Variants in LARS2 observed in about 807,000 individuals in gnomAD.
The protein encoded by LARS2 is leucine--tRNA ligase, mitochondrial.
Under a neutral mutation model 116.6 loss-of-function variants are expected in LARS2, and 81 were observed. That is an observed-to-expected ratio of 0.69 (90% CI 0.58 to 0.84). The LOEUF (loss-of-function observed/expected upper bound fraction) is 0.84. Ranked by LOEUF, LARS2 falls within the 40% of genes least tolerant of loss-of-function variation. The pLI, the probability that LARS2 is intolerant of heterozygous loss-of-function variation, is 0.00. For missense variants in LARS2, 968 were observed against 1,114.5 expected, an observed-to-expected ratio of 0.87 and a Z score of 1.87; for synonymous variants, 396 against 407.2, an observed-to-expected ratio of 0.97 and a Z score of 0.33.
chr3:45,513,317 C>CCTCCCCACTCTAGAGGCAGA, intron 16 of LARS2, 82 bp downstream of exon 16: 1 of 928,052 alleles, frequency 1.1e-6, no homozygotes, highest in Non-Finnish European at 1.8e-6. Flanking sequence ...AAGCAGGCAT[C>CCTCCCCACTCTAGAGGCAGA]TGCCTCTAGA....
Position 45,520,301 on chromosome 3 carries a change from G to A in LARS2, c.2292+5G>A. The A allele has an allele frequency of 1.2e-6, 2 of 1,610,880 alleles. No individual in the cohort carries two copies. The highest frequency in any genetic ancestry group is 2.2e-5 in the East Asian group (1 of 44,868). On this transcript the variant is annotated splice_donor_5th_base_variant and intron_variant, in intron 19 of 21. Transcript: ENST00000645846. ...GGACTCAGCAATGCCCTCTCGGTAA[G>A]TGGCCTGTCCTCATTTGCTGGTAGC...
chr3:45,534,305 AATG>A (rs1351909607), intron 20 of LARS2, among the ~76,000 whole-genome samples: 1 of 152,138 alleles, frequency 6.6e-6, no homozygotes, highest in Non-Finnish European at 1.5e-5. Flanking sequence ...AGAATGGGGA[AATG>A]ATGCCTCCTG....
At chr3:45,399,836 A>C (rs1445443973) in intron 3 of LARS2, among the ~76,000 whole-genome samples, 1 of 151,462 alleles carries the variant, frequency 6.6e-6, no homozygotes, top group East Asian at 1.9e-4. Context: ...TATCATTCTT[A>C]TGCCTCATAG....
chr3:45,539,497 G>C (rs532040049), intron 20 of LARS2, among the ~76,000 whole-genome samples: 2 of 152,184 alleles, frequency 1.3e-5, no homozygotes, highest in South Asian at 4.2e-4. Flanking sequence ...CAGGCGTGGT[G>C]GTGCACACCT....
intron 14 of LARS2, 110 bp from the exon 15 acceptor site, chr3:45,500,332 T>C: frequency 1.9e-6 from 2 of 1,075,088 alleles, no homozygotes; most frequent in Non-Finnish European, 2.7e-6. Flanking sequence ...ATCATTGTTA[T>C]TCCCTGATAC....
At chr3:45,479,543 A>G (rs1162375282) in intron 10 of LARS2, among the ~76,000 whole-genome samples, 2 of 152,170 alleles carry the variant, frequency 1.3e-5, no homozygotes, top group East Asian at 3.9e-4. Flanking sequence ...GTTATTGACT[A>G]AATGTACTGT....
At chr3:45,492,729 A>G (rs1699944334) in intron 13 of LARS2, among the ~76,000 whole-genome samples, 1 of 152,208 alleles carries the variant, frequency 6.6e-6, no homozygotes, top group Non-Finnish European at 1.5e-5. Flanking sequence ...ACTAGAATTA[A>G]CACATGTGAT....
intron 11 of LARS2, among the ~76,000 whole-genome samples, chr3:45,487,940 G>T (rs1041526236): frequency 1.3e-5 from 2 of 152,114 alleles, no homozygotes; most frequent in African/African-American, 4.8e-5. Flanking sequence ...ACAAAACATA[G>T]TTACCAGTTT....
rs115462676 is a variant in LARS2 at position 45,406,444 on chromosome 3, G to A, written c.363+6071G>A. Among the ~76,000 whole-genome samples, 1,480 of 152,278 alleles carry A rather than the reference G, an allele frequency of 9.7e-3. 22 individuals are homozygous for A. The highest frequency in any genetic ancestry group is 0.033 in the African/African-American group (1,368 of 41,542). ...ATCGGATGCTCCACAGAGCCAAATG[G>A]ACATGGTTCTCTAGGTTGGAAAATA... On this transcript the variant is annotated intron_variant, in intron 4 of 21. Transcript: ENST00000645846.
chr3:45,516,152 G>A lies in LARS2; in HGVS notation c.1920G>A (p.Met640Ile). ...KEKLEVTWEK[M>I]SKSKHNGVDP... ...AGTTAGAGGTGACGTGGGAGAAGAT[G>A]AGTAAGTCCAAACACAACGGGGTGG... The change falls in exon 17 of 22, where the codon ATG (methionine) becomes ATA (isoleucine). Residue 640 changes from methionine (M) to isoleucine (I), a missense_variant. Coordinates refer to ENST00000645846, the MANE Select transcript of LARS2 (RefSeq NM_015340.4). The A allele has an allele frequency of 6.2e-7, 1 of 1,614,240 alleles. No individual in the cohort carries two copies. The highest frequency in any genetic ancestry group is 8.5e-7 in the Non-Finnish European group (1 of 1,180,042).
chr3:45,474,636 G>T lies in LARS2; in HGVS notation c.858+286G>T, dbSNP rs376174183. Among the ~76,000 whole-genome samples, 368 of 152,276 alleles carry T rather than the reference G, an allele frequency of 2.4e-3. 12 individuals carry two copies. In the South Asian group the frequency reaches 0.07, roughly 29 times the overall value. Reference sequence around the variant, plus strand: ...GAGTTTACATTTTAGTACAGTCTTTGAAATCTGTGTTCTACATTTATAGTA... The same window carrying T: ...GAGTTTACATTTTAGTACAGTCTTTTAAATCTGTGTTCTACATTTATAGTA... On this transcript the variant is annotated intron_variant, in intron 9 of 21. Transcript: ENST00000645846.
At chr3:45,490,191 T>TC (rs1699890866) in intron 12 of LARS2, among the ~76,000 whole-genome samples, 2 of 152,196 alleles carry the variant, frequency 1.3e-5, no homozygotes, top group Non-Finnish European at 2.9e-5. Context: ...TGAGCAGGTT[T>TC]CCTGGAGGTA....
At position 45,476,571 on chromosome 3, in the gene LARS2, T is replaced by C; in HGVS notation, c.962T>C (p.Leu321Pro). The part of the protein sequence containing the change: ...HVAISPSHRL[L>P]HGHSSLKEAL... ...GCCATCTCGCCCAGCCACAGACTCC[T>C]ACATGGGCACAGCTCTCTGAAGGAA... Residue 321 changes from leucine to proline, a missense_variant, in exon 10 of 22, where the codon CTA becomes CCA. By Grantham distance (98) the Leu-to-Pro change is moderately conservative. Coordinates refer to ENST00000645846, the MANE Select transcript of LARS2 (RefSeq NM_015340.4). 1 of 1,614,198 alleles carries C rather than the reference T, an allele frequency of 6.2e-7. No homozygotes were observed. Among genetic ancestry groups the C allele is most frequent in the Non-Finnish European group, 8.5e-7 (1 of 1,180,028 alleles).
Position 45,506,316 on chromosome 3 carries a change from T to C in LARS2, c.1760+5737T>C, listed in dbSNP as rs532218836. On this transcript the variant is annotated intron_variant, in intron 15 of 21. Coordinates refer to ENST00000645846, the MANE Select transcript of LARS2 (RefSeq NM_015340.4). Reference sequence around the variant, plus strand: ...CTCTCCCGGTGCATTACCTCTTTCTTAGAGGTGTATTGGTAAACCAGTCAG... The same window carrying C: ...CTCTCCCGGTGCATTACCTCTTTCTCAGAGGTGTATTGGTAAACCAGTCAG... Among the ~76,000 whole-genome samples, 20 of 152,122 alleles carry C rather than the reference T, an allele frequency of 1.3e-4. No homozygotes were observed. In the South Asian group the frequency reaches 4.2e-3, roughly 32 times the overall value.
intron 4 of LARS2, among the ~76,000 whole-genome samples, chr3:45,415,681 C>T (rs1698401144): frequency 6.6e-6 from 1 of 151,950 alleles, no homozygotes; most frequent in Non-Finnish European, 1.5e-5. Context: ...AACCCCATCT[C>T]TACTAAAAAT....
rs528406261 is a variant in LARS2 at position 45,444,524 on chromosome 3, C to T, written c.517-2367C>T. Among the ~76,000 whole-genome samples, 7 of 145,624 alleles carry T rather than the reference C, an allele frequency of 4.8e-5. No homozygotes were observed. In the East Asian group the frequency reaches 6.1e-4, roughly 13 times the overall value. Reference sequence around the variant, plus strand: ...CTAAAAATACAAAAAATTAGCCGGGCGTAGTGGCGGGCGCCTGTAGTCCCA... The same window carrying T: ...CTAAAAATACAAAAAATTAGCCGGGTGTAGTGGCGGGCGCCTGTAGTCCCA... On this transcript the variant is annotated intron_variant, in intron 6 of 21. Coordinates refer to ENST00000645846, the MANE Select transcript of LARS2 (RefSeq NM_015340.4).
intron 20 of LARS2, among the ~76,000 whole-genome samples, chr3:45,537,087 C>T (rs1700718290): frequency 6.6e-6 from 1 of 151,812 alleles, no homozygotes. Flanking sequence ...TGAGATTAGT[C>T]CCTTGTCCAA....
At chr3:45,512,539 G>A (rs527598385) in intron 15 of LARS2, among the ~76,000 whole-genome samples, 64 of 152,220 alleles carry the variant, frequency 4.2e-4, no homozygotes, top group South Asian at 4.1e-3. Flanking sequence ...CAGAACACTA[G>A]GTAACTTTTT....
chr3:45,537,100 T>A (rs1213123155), intron 20 of LARS2, among the ~76,000 whole-genome samples: 1 of 152,126 alleles, frequency 6.6e-6, no homozygotes, highest in South Asian at 2.1e-4. Context: ...TTGTCCAAAA[T>A]ATGTTATTTA....
Sources: allele counts gnomAD v4.1 joint callset (sites outside exome capture counted in the v4.1 genomes callset), GRCh38; gene constraint gnomAD v4.1.1; transcripts MANE v1.5; gene names NCBI Gene and HGNC (gene_info 2026-07-23, HGNC 2026-07-21).